The following WDR62 variants were observed in gnomAD, a reference collection of about 807,000 sequenced individuals.
The protein encoded by WDR62 is WD repeat domain 62.
In WDR62, 112 loss-of-function variants were observed where a neutral mutation model predicts 160.6. That is an observed-to-expected ratio of 0.70 (90% CI 0.60 to 0.82). WDR62 has a LOEUF of 0.82. WDR62 is among the 40% of genes least tolerant of loss of function. The pLI is 0.00. For missense variants in WDR62, 1,819 were observed against 1,983.8 expected, an observed-to-expected ratio of 0.92 and a Z score of 1.58; for synonymous variants, 792 against 815.1, an observed-to-expected ratio of 0.97 and a Z score of 0.48.
rs545580519 is a variant in WDR62 at position 36,103,261 on chromosome 19, A to C, written c.3514+54A>C. The C allele has an allele frequency of 2.3e-5, 37 of 1,611,674 alleles. No homozygotes were observed. The African/African-American group carries it at 4.8e-4, about 21-fold the overall frequency. ...CCTGGGTTTCTCGGCGAGTGGCCGG[A>C]TGTCCAGCCTAGCTGTGGGGCGTGG... On this transcript the variant is annotated intron_variant, in intron 29 of 31. Coordinates refer to ENST00000401500, the MANE Select transcript of WDR62 (RefSeq NM_001083961.2).
Position 36,103,684 on chromosome 19 carries a change from C to T in WDR62, c.3856C>T (p.Arg1286Cys), listed in dbSNP as rs749284969. 5.0e-6 allele frequency: 8 copies of T among 1,610,286 alleles called. No individual in the cohort carries two copies. The highest frequency in any genetic ancestry group is 2.2e-5 in the South Asian group (2 of 91,092). Residue 1286 changes from arginine to cysteine, a missense_variant, in exon 30 of 32, where the codon CGT becomes TGT. By Grantham distance (180) the Arg-to-Cys change is radical (BLOSUM62 -3). Transcript: ENST00000401500. ...CAGTGAGGGCCAAGAGCCTGCCCTG[C>T]GTTCCTGGGGCAACCACGAGGCCCG... Reference protein sequence around the residue: ...LDSEGQEPALRSWGNHEARAN... With the variant: ...LDSEGQEPALCSWGNHEARAN...
At chr19:36,063,286 G>A (rs1372373305) in intron 3 of WDR62, among the ~76,000 whole-genome samples, 1 of 147,778 alleles carries the variant, frequency 6.8e-6, no homozygotes, top group Non-Finnish European at 1.5e-5. Flanking sequence ...GTCTCACACT[G>A]TCGCCCGGGC....
At chr19:36,081,629 G>A in intron 10 of WDR62, 59 bp downstream of exon 10, 1 of 1,611,936 alleles carries the variant, frequency 6.2e-7, no homozygotes, top group African/African-American at 1.3e-5. Flanking sequence ...CTGTAAGCTT[G>A]AATGCAGGGG....
chr19:36,067,218 G>A (rs766155241), intron 5 of WDR62, 88 bp from the exon 6 acceptor site: 70 of 1,576,948 alleles, frequency 4.4e-5, no homozygotes, highest in East Asian at 2.9e-4. Context: ...GAGTGGGGAC[G>A]AGCAGGGAGT....
rs150966716 is a variant in WDR62, at chr19:36,103,834, G to C, written c.4006G>C (p.Ala1336Pro). 6.2e-7 allele frequency: 1 copy of C among 1,605,774 alleles called. No homozygotes were observed. The highest frequency in any genetic ancestry group is 8.5e-7 in the Non-Finnish European group (1 of 1,179,422). ...FPAPSPVEES[A>P]LRLHGSAFRP... ...AGCCCCTAGCCCTGTGGAAGAGAGC[G>C]CCCTGAGGCTCCACGGCTCTGCCTT... Residue 1336 changes from alanine to proline, a missense_variant, in exon 30 of 32, where the codon GCC (alanine) becomes CCC (proline). Coordinates refer to ENST00000401500, the MANE Select transcript of WDR62 (RefSeq NM_001083961.2).
At chr19:36,081,003 GTAGA>G (rs1971864635) in intron 9 of WDR62, among the ~76,000 whole-genome samples, 1 of 151,968 alleles carries the variant, frequency 6.6e-6, no homozygotes, top group Non-Finnish European at 1.5e-5. Context: ...GTTGGCCAGA[GTAGA>G]CTTGAACTGC....
In WDR62 at chr19:36,104,658, C is replaced by T. The variant is rs1973629804; in HGVS notation, c.4294C>T (p.Leu1432Phe). The T allele has an allele frequency of 3.7e-6, 6 of 1,614,112 alleles. No homozygotes were observed. In the East Asian group the frequency reaches 1.3e-4, roughly 36 times the overall value. ...GCTGCAGACCACCTTCCAAGAAGCC[C>T]TCGACCTTTACCGTGTGGTGAGCTA... The part of the protein sequence containing the change: ...HRLQTTFQEA[L>F]DLYRVLVSSG... Residue 1432 changes from leucine to phenylalanine, a missense_variant, in exon 31 of 32, where the codon CTC becomes TTC. Physicochemically the swap from Leu to Phe is conservative, Grantham distance 22. Transcript: ENST00000401500.
chr19:36,099,944 G>A (rs1973225789), intron 22 of WDR62, among the ~76,000 whole-genome samples: 2 of 152,128 alleles, frequency 1.3e-5, no homozygotes, highest in South Asian at 2.1e-4. Context: ...TTGGGCTTCA[G>A]TCTTCTAAAA....
downstream of WDR62, among the ~76,000 whole-genome samples, chr19:36,108,131 G>C (rs1245898663): frequency 6.6e-6 from 1 of 152,100 alleles, no homozygotes; most frequent in Non-Finnish European, 1.5e-5. Flanking sequence ...GGGAGCTGCA[G>C]CCCTGACTCC....
intron 2 of WDR62, 63 bp downstream of exon 2, chr19:36,058,934 G>A (rs768941468): frequency 8.6e-6 from 12 of 1,389,208 alleles, no homozygotes; most frequent in Non-Finnish European, 1.2e-5. Flanking sequence ...GGAACCTGAA[G>A]CCATCCGTAA....
chr19:36,091,473 A>G lies in WDR62; in HGVS notation c.2210+8A>G, dbSNP rs780848471. 5.0e-6 allele frequency: 8 copies of G among 1,613,854 alleles called. No individual in the cohort carries two copies. Among genetic ancestry groups the G allele is most frequent in the South Asian group, 2.2e-5 (2 of 91,088 alleles). The stretch of plus-strand genomic sequence containing the variant: ...CACAGTATCTGGAGACAGGTGGGAC[A>G]TGGACCTTTGGGAGAGTTGTGGCTC... On this transcript the variant is annotated splice_region_variant and intron_variant, in intron 18 of 31. Transcript: ENST00000401500.
intron 9 of WDR62, among the ~76,000 whole-genome samples, chr19:36,079,567 C>T (rs1971772422): frequency 6.6e-6 from 1 of 152,202 alleles, no homozygotes; most frequent in South Asian, 2.1e-4. Flanking sequence ...ACAAAGTTCA[C>T]AGGATCTTCT....
Position 36,102,811 on chromosome 19 carries a change from A to G in WDR62, c.3295A>G (p.Ile1099Val). The G allele has an allele frequency of 6.2e-7, 1 of 1,614,188 alleles. No individual in the cohort carries two copies. The change falls in exon 27 of 32, where the codon ATC becomes GTC. Residue 1099 changes from isoleucine (I) to valine (V), a missense_variant. Around this residue, in one of 3 missense-constraint regions of WDR62, gnomAD observed 770 missense variants for 734.2 expected, o/e 1.05. Coordinates refer to ENST00000401500, the MANE Select transcript of WDR62 (RefSeq NM_001083961.2). ...CCACTTCTTCAACCCACGCCTGAGT[A>G]TCTCCACGCAGTTCCTCTCAAGCCT... ...EDHFFNPRLSISTQFLSSLQK... is the reference protein window; with the variant it reads ...EDHFFNPRLSVSTQFLSSLQK...
At chr19:36,060,216 C>T (rs919275083) in intron 3 of WDR62, 186 bp downstream of exon 3, 9 of 650,974 alleles carry the variant, frequency 1.4e-5, no homozygotes, top group African/African-American at 1.3e-4. Flanking sequence ...CCAGAGGAGA[C>T]GAGAATCTCT....
intron 12 of WDR62, among the ~76,000 whole-genome samples, chr19:36,085,541 G>A (rs1217220860): frequency 6.6e-6 from 1 of 150,514 alleles, no homozygotes; most frequent in Admixed American, 6.7e-5. Flanking sequence ...CTGCGTTCAA[G>A]CGATTCTCCT....
In WDR62 at chr19:36,055,055, G is replaced by A; in HGVS notation, c.84G>A (p.Arg28=). Residue 28 remains arginine (R), a synonymous_variant, in exon 1 of 32, where the codon CGG becomes CGA. Coordinates refer to ENST00000401500, the MANE Select transcript of WDR62 (RefSeq NM_001083961.2). ...LPSVMAGVPA[R]RGQSSPPPAP... ...CTGTCATGGCGGGAGTTCCGGCGCG[G>A]AGGGGCCAGTCCTCCCCGCCCCCCG... 6.3e-7 allele frequency: 1 copy of A among 1,592,710 alleles called. No homozygotes were observed. Among genetic ancestry groups the A allele is most frequent in the Non-Finnish European group, 8.5e-7 (1 of 1,171,246 alleles).
chr19:36,101,720 G>C lies in WDR62; in HGVS notation c.3028G>C (p.Ala1010Pro), dbSNP rs1599843249. Residue 1010 changes from alanine to proline, a missense_variant, in exon 25 of 32, where the codon GCT (alanine) becomes CCT (proline). Ala to Pro is a conservative substitution (Grantham distance 27). Transcript: ENST00000401500. ...ECSFAAIHSP[A>P]PPPDPAPRFA... Reference sequence around the variant, plus strand: ...CAGCTTCGCAGCCATCCACTCCCCAGCTCCGCCTCCTGACCCTGCCCCTCG... The same window carrying C: ...CAGCTTCGCAGCCATCCACTCCCCACCTCCGCCTCCTGACCCTGCCCCTCG... The C allele has an allele frequency of 2.6e-6, 4 of 1,551,556 alleles. No individual in the cohort carries two copies. The highest frequency in any genetic ancestry group is 3.5e-6 in the Non-Finnish European group (4 of 1,147,082).
intron 17 of WDR62, 43 bp from the exon 18 acceptor site, chr19:36,091,359 T>G (rs528153186): frequency 3.3e-6 from 4 of 1,199,918 alleles, no homozygotes; most frequent in South Asian, 2.5e-5. Flanking sequence ...GCCCACACCC[T>G]CTGACTCCGA....
At chr19:36,096,567 C>T (rs1332370247) in intron 20 of WDR62, among the ~76,000 whole-genome samples, 4 of 151,938 alleles carry the variant, frequency 2.6e-5, no homozygotes, top group Non-Finnish European at 5.9e-5. Context: ...AAAAATTAGC[C>T]GGGCATGGTG....
Sources: allele counts gnomAD v4.1 joint callset (sites outside exome capture counted in the v4.1 genomes callset), GRCh38; gene constraint gnomAD v4.1.1; regional missense constraint gnomAD v4.1.1; transcripts MANE v1.5; gene names NCBI Gene and HGNC (gene_info 2026-07-23, HGNC 2026-07-21).